Variants in LITAF observed in about 807,000 individuals in gnomAD.
The protein encoded by LITAF is lipopolysaccharide induced TNF factor.
A neutral mutation model predicts 14.5 loss-of-function variants in LITAF; 9 were observed. That is an observed-to-expected ratio of 0.62 (90% confidence interval 0.37 to 1.08). The LOEUF (loss-of-function observed/expected upper bound fraction) is 1.08. Ranked by LOEUF, LITAF falls within the 50% of genes least tolerant of loss-of-function variation. The pLI, the probability that LITAF is intolerant of heterozygous loss-of-function variation, is 0.01. For synonymous variants in LITAF, 98 were observed against 88.2 expected (o/e 1.11, Z -0.62); for missense variants, 206 against 213.4 (o/e 0.97, Z 0.22).
chr16:11,579,758 T>C (rs1235711597), intron 1 of LITAF, among the ~76,000 whole-genome samples: 1 of 152,172 alleles, frequency 6.6e-6, no homozygotes, highest in Non-Finnish European at 1.5e-5. Flanking sequence ...TTCTTGCAAA[T>C]CAAAAATTAT....
intron 3 of LITAF, among the ~76,000 whole-genome samples, chr16:11,609,863 G>C (rs181816524): frequency 6.6e-6 from 1 of 152,176 alleles, no homozygotes; most frequent in African/African-American, 2.4e-5. Flanking sequence ...AGGCTTTCCT[G>C]GCCAGTGATG....
upstream of LITAF, among the ~76,000 whole-genome samples, chr16:11,591,959 A>G (rs2064849551): frequency 6.6e-6 from 1 of 152,218 alleles, no homozygotes; most frequent in Admixed American, 6.5e-5. Flanking sequence ...TTGGATCTCT[A>G]CCTCACATCA....
At position 11,620,391 on chromosome 16, in the gene LITAF, G is replaced by A. The variant is rs117089478; in HGVS notation, c.85+13142C>T. 1.2e-3 allele frequency among the ~76,000 whole-genome samples: 176 copies of A among 151,962 alleles called. No individual in the cohort carries two copies. In the East Asian group the frequency reaches 0.029, roughly 25 times the overall value. The stretch of plus-strand genomic sequence containing the variant: ...AACACTATCTCTTGCTCCTGTTTTC[G>A]CCGTGGGACATGCCTGTTCCCCCTT... On this transcript the variant is annotated intron_variant, in intron 3 of 3. Coordinates refer to the LITAF transcript ENST00000574848.
intron 3 of LITAF, among the ~76,000 whole-genome samples, chr16:11,606,714 A>C (rs2064956668): frequency 6.6e-6 from 1 of 151,936 alleles, no homozygotes; most frequent in African/African-American, 2.4e-5. Flanking sequence ...GGCTCACTGC[A>C]ACCTCTGCCT....
rs767117336 is a variant in LITAF, at chr16:11,552,160, C to T, written c.377+1373G>A. Reference sequence around the variant, plus strand: ...CAAAGGACAATGTGGAGGAACGTGCCGGTTGCATGAGGCTCCTGAAACTCA... The same window carrying T: ...CAAAGGACAATGTGGAGGAACGTGCTGGTTGCATGAGGCTCCTGAAACTCA... On this transcript the variant is annotated intron_variant, in intron 3 of 3. Coordinates refer to ENST00000622633, the MANE Select transcript of LITAF (RefSeq NM_001136472.2). 1.3e-5 allele frequency among the ~76,000 whole-genome samples: 2 copies of T among 152,210 alleles called. 1 individual carries two copies. Among genetic ancestry groups the T allele is most frequent in the South Asian group, 4.1e-4 (2 of 4,828 alleles).
At chr16:11,587,368 C>A (rs762049715), upstream of LITAF, 215 of 453,466 alleles carry the variant, frequency 4.7e-4, no homozygotes, top group Middle Eastern at 6.9e-3. Flanking sequence ...GGGGCGCTCC[C>A]GGCCCTCTGG....
At chr16:11,608,565 C>A (rs2064966326) in intron 3 of LITAF, among the ~76,000 whole-genome samples, 1 of 152,202 alleles carries the variant, frequency 6.6e-6, no homozygotes, top group Non-Finnish European at 1.5e-5. Flanking sequence ...TCTATCCATA[C>A]AACGGAGCAT....
At chr16:11,579,049 T>C (rs561492248) in intron 1 of LITAF, among the ~76,000 whole-genome samples, 74 of 150,542 alleles carry the variant, frequency 4.9e-4, no homozygotes, top group African/African-American at 1.8e-3. Context: ...ATTAGCTGGG[T>C]GTGGTGGTGC....
At chr16:11,631,508 C>A (rs2065117606) in intron 3 of LITAF, among the ~76,000 whole-genome samples, 1 of 152,222 alleles carries the variant, frequency 6.6e-6, no homozygotes, top group Non-Finnish European at 1.5e-5. Flanking sequence ...TGATCCTCAG[C>A]CTTCTAAGTA....
intron 1 of LITAF, among the ~76,000 whole-genome samples, chr16:11,562,313 CAAAAAAAAAAAAAA>C (rs57317505): frequency 3.3e-5 from 2 of 61,432 alleles, no homozygotes; most frequent in Admixed American, 1.9e-4. Flanking sequence ...GACTCCGTCT[CAAAAAAAAAAAAAA>C]AAAAAAAAAA....
At chr16:11,614,457 G>T (rs762774560) in intron 3 of LITAF, among the ~76,000 whole-genome samples, 6 of 151,480 alleles carry the variant, frequency 4.0e-5, no homozygotes, top group Non-Finnish European at 7.4e-5. Context: ...ACACCACCAG[G>T]CCCGGCTAAT....
At chr16:11,623,458 G>A (rs969503047) in intron 3 of LITAF, among the ~76,000 whole-genome samples, 6 of 151,044 alleles carry the variant, frequency 4.0e-5, no homozygotes, top group African/African-American at 1.5e-4. Context: ...TCAGGAGTTC[G>A]AAACCAGCCC....
intron 1 of LITAF, among the ~76,000 whole-genome samples, chr16:11,585,854 T>C (rs2064797316): frequency 6.6e-6 from 1 of 152,166 alleles, no homozygotes; most frequent in Non-Finnish European, 1.5e-5. Flanking sequence ...GATTTCCCAG[T>C]GACCACTGCT....
rs112251787 is a variant in LITAF, at chr16:11,576,336, G to T, written c.-6+10550C>A. On this transcript the variant is annotated intron_variant, in intron 1 of 3. Coordinates refer to ENST00000622633, the MANE Select transcript of LITAF (RefSeq NM_001136472.2). ...ATCCAAAAATTAGCTGGGCAAGGTG[G>T]TGCATGCCTGTAGTCCCAGTTACTC... is the stretch of plus-strand genomic sequence containing the variant. Among the ~76,000 whole-genome samples the T allele has an allele frequency of 4.7e-3, 721 of 152,148 alleles. 11 individuals are homozygous for T. The highest frequency in any genetic ancestry group is 0.017 in the African/African-American group (690 of 41,508).
At chr16:11,594,054 C>T (rs926890188) in intron 1 of LITAF, among the ~76,000 whole-genome samples, 1 of 151,844 alleles carries the variant, frequency 6.6e-6, no homozygotes, top group African/African-American at 2.4e-5. Context: ...GGCATGGTGG[C>T]GCACAGCTAT....
chr16:11,617,142 C>T (rs1171640186), intron 3 of LITAF, among the ~76,000 whole-genome samples: 3 of 152,028 alleles, frequency 2.0e-5, no homozygotes, highest in Admixed American at 2.0e-4. Context: ...ATCGCTTGAA[C>T]CCGGGAGGCA....
rs7206280 is a variant in LITAF, at chr16:11,551,664, C to A, written c.377+1869G>T. On this transcript the variant is annotated intron_variant, in intron 3 of 3. Transcript: ENST00000622633. ...AGTAAAACCCCTGCTTCCACACACA[C>A]AAAAAAAAAATTTAAAAATTAGCTA... 235,517 of 549,338 alleles carry A rather than the reference C, an allele frequency of 0.43. 43,909 individuals are homozygous for A. Among genetic ancestry groups the A allele is most frequent in the African/African-American group, 0.69 (33,989 of 49,058 alleles). 34.0% of individuals were successfully genotyped at this position (549,338 alleles called of 1,614,324 possible).
chr16:11,550,682 G>C (rs1276860033), intron 3 of LITAF, among the ~76,000 whole-genome samples: 1 of 152,100 alleles, frequency 6.6e-6, no homozygotes, highest in Non-Finnish European at 1.5e-5. Flanking sequence ...TTTTTGTAGA[G>C]ATGGGGTCTT....
intron 3 of LITAF, among the ~76,000 whole-genome samples, chr16:11,618,411 G>T (rs778330237): frequency 2.0e-5 from 3 of 152,228 alleles, no homozygotes; most frequent in Admixed American, 6.5e-5. Context: ...GGTGTCTGAA[G>T]TGGGAGCAGT....
Sources: allele counts gnomAD v4.1 joint callset (sites outside exome capture counted in the v4.1 genomes callset), GRCh38; gene constraint gnomAD v4.1.1; transcripts MANE v1.5; gene names NCBI Gene and HGNC (gene_info 2026-07-23, HGNC 2026-07-21).